Variants in CLIC4 observed in about 807,000 individuals in gnomAD.
CLIC4 encodes the protein chloride intracellular channel protein 4.
A neutral mutation model predicts 24.6 loss-of-function variants in CLIC4; 13 were observed. The ratio of observed to expected loss-of-function variants is 0.53; its 90% confidence interval spans 0.34 to 0.84. The LOEUF (loss-of-function observed/expected upper bound fraction) is 0.84, where lower values mean the gene tolerates loss of function less well. CLIC4 is among the 40% of genes least tolerant of loss of function. The pLI is 0.01. For missense variants in CLIC4, 227 were observed against 301.7 expected (o/e 0.75, Z 1.83); for synonymous variants, 104 against 111.3 (o/e 0.93, Z 0.41).
intron 1 of CLIC4, among the ~76,000 whole-genome samples, chr1:24,750,065 A>G (rs1374982596): frequency 6.6e-6 from 1 of 152,126 alleles, no homozygotes; most frequent in African/African-American, 2.4e-5. Context: ...AGCTTGGGTG[A>G]GACCCTATCT....
intron 1 of CLIC4, among the ~76,000 whole-genome samples, chr1:24,777,408 G>A (rs907286319): frequency 3.3e-5 from 5 of 152,094 alleles, no homozygotes; most frequent in African/African-American, 1.2e-4. Context: ...GTCAGGCGTG[G>A]TGGCATGTGC....
At chr1:24,797,960 A>G (rs1173573718) in intron 2 of CLIC4, 109 bp downstream of exon 2, 2 of 767,958 alleles carry the variant, frequency 2.6e-6, no homozygotes, top group Non-Finnish European at 4.3e-6. Flanking sequence ...TATTGTATTA[A>G]AGTTCTGCTG....
chr1:24,760,522 A>G (rs1447281999), intron 1 of CLIC4, among the ~76,000 whole-genome samples: 1 of 152,110 alleles, frequency 6.6e-6, no homozygotes, highest in African/African-American at 2.4e-5. Context: ...TATTGTATCT[A>G]GATTGGTCTT....
In CLIC4 at chr1:24,841,559, C is replaced by T. The variant is rs1040450684; in HGVS notation, c.*622C>T. On this transcript the variant is annotated 3_prime_UTR_variant, in exon 6 of 6. Coordinates refer to ENST00000374379, the MANE Select transcript of CLIC4 (RefSeq NM_013943.3). The stretch of plus-strand genomic sequence containing the variant: ...TTTGTAGATAGATTTTTACTTTTGC[C>T]TAAAAGCATTTATCCTTCATACCAA... The T allele has an allele frequency of 6.6e-6, 1 of 152,114 alleles. No homozygotes were observed. Among genetic ancestry groups the T allele is most frequent in the African/African-American group, 2.4e-5 (1 of 41,434 alleles). The allele number at this position is 152,114 out of a possible 1,614,324, so 9.4% of individuals were successfully genotyped here.
intron 4 of CLIC4, 91 bp from the exon 5 acceptor site, chr1:24,839,769 A>G: frequency 9.0e-7 from 1 of 1,109,474 alleles, no homozygotes; most frequent in Non-Finnish European, 1.3e-6. Flanking sequence ...ACATTTTTAA[A>G]CAGTTATTGA....
At chr1:24,749,435 TCTAG>T (rs1193126118) in intron 1 of CLIC4, among the ~76,000 whole-genome samples, 1 of 152,136 alleles carries the variant, frequency 6.6e-6, no homozygotes, top group African/African-American at 2.4e-5. Context: ...AGCCTACCTG[TCTAG>T]CTAGCACTGA....
At chr1:24,792,170 G>C in intron 1 of CLIC4, among the ~76,000 whole-genome samples, 1 of 150,946 alleles carries the variant, frequency 6.6e-6, no homozygotes, top group South Asian at 2.1e-4. Flanking sequence ...GTGTATATGT[G>C]TATGTGTGTG....
chr1:24,839,857 A>G lies in CLIC4; in HGVS notation c.416-3A>G. Reference sequence around the variant, plus strand: ...ATTCTCATCTCTTTTTTTCCCCCCCAAGCACTGGAGAGGGGTCTCCTGAAA... The same window carrying G: ...ATTCTCATCTCTTTTTTTCCCCCCCGAGCACTGGAGAGGGGTCTCCTGAAA... On this transcript the variant is annotated splice_polypyrimidine_tract_variant and splice_region_variant and intron_variant, in intron 4 of 5. Transcript: ENST00000374379. The G allele has an allele frequency of 1.2e-6, 2 of 1,605,616 alleles. No individual in the cohort carries two copies. The highest frequency in any genetic ancestry group is 1.7e-6 in the Non-Finnish European group (2 of 1,177,396).
chr1:24,784,687 T>G (rs1639243630), intron 1 of CLIC4, among the ~76,000 whole-genome samples: 1 of 152,202 alleles, frequency 6.6e-6, no homozygotes, highest in Admixed American at 6.5e-5. Flanking sequence ...CCGAAGTCTT[T>G]GCAGTATCCT....
intron 1 of CLIC4, among the ~76,000 whole-genome samples, chr1:24,790,716 G>T (rs948984966): frequency 6.6e-6 from 1 of 152,180 alleles, no homozygotes; most frequent in Admixed American, 6.5e-5. Context: ...AGGGGCAGGG[G>T]CTTGGCAGGG....
intron 3 of CLIC4, among the ~76,000 whole-genome samples, chr1:24,820,067 G>GTGTATGTATATATATA (rs1212033050): frequency 2.7e-5 from 1 of 36,472 alleles, no homozygotes; most frequent in African/African-American, 8.9e-5. Flanking sequence ...AAAAAAGTAT[G>GTGTATGTATATATATA]TATATATATA....
At chr1:24,768,783 C>T (rs1393886813) in intron 1 of CLIC4, among the ~76,000 whole-genome samples, 1 of 151,822 alleles carries the variant, frequency 6.6e-6, no homozygotes, top group Non-Finnish European at 1.5e-5. Flanking sequence ...TGCCTGTAGT[C>T]CCAGCTACTC....
intron 3 of CLIC4, among the ~76,000 whole-genome samples, chr1:24,826,200 C>CA (rs1348366599): frequency 2.0e-5 from 3 of 152,208 alleles, no homozygotes; most frequent in Non-Finnish European, 4.4e-5. Flanking sequence ...TTTGACAACA[C>CA]AATAGAACAC....
intron 4 of CLIC4, among the ~76,000 whole-genome samples, chr1:24,838,424 C>T (rs1323862091): frequency 6.6e-6 from 1 of 152,204 alleles, no homozygotes; most frequent in East Asian, 1.9e-4. Context: ...CTAAGACTAC[C>T]ATCTATTACC....
At chr1:24,784,463 T>G (rs2124116331) in intron 1 of CLIC4, among the ~76,000 whole-genome samples, 1 of 152,334 alleles carries the variant, frequency 6.6e-6, no homozygotes, top group East Asian at 1.9e-4. Context: ...TTAATACATG[T>G]GAAGAGCTTG....
At chr1:24,840,654 C>A (rs750042644) in intron 5 of CLIC4, 119 bp from the exon 6 acceptor site, 4 of 811,868 alleles carry the variant, frequency 4.9e-6, no homozygotes, top group Non-Finnish European at 5.7e-6. Flanking sequence ...GACTTTTTTT[C>A]ATATAGAAGC....
intron 2 of CLIC4, among the ~76,000 whole-genome samples, chr1:24,803,721 AG>A (rs1405960057): frequency 6.6e-6 from 1 of 152,228 alleles, no homozygotes; most frequent in East Asian, 1.9e-4. Context: ...AAATTGGGGC[AG>A]AGTTAAAGAT....
intron 1 of CLIC4, among the ~76,000 whole-genome samples, chr1:24,775,954 C>T (rs1034010253): frequency 2.6e-5 from 4 of 151,582 alleles, no homozygotes; most frequent in East Asian, 1.9e-4. Context: ...TTGTTATGCC[C>T]GTCTTAAAAG....
chr1:24,822,565 G>C (rs1639746264), intron 3 of CLIC4, among the ~76,000 whole-genome samples: 1 of 151,474 alleles, frequency 6.6e-6, no homozygotes, highest in Admixed American at 6.6e-5. Context: ...GCCAGGCTGG[G>C]ACTTCAAGTG....
Sources: allele counts gnomAD v4.1 joint callset (sites outside exome capture counted in the v4.1 genomes callset), GRCh38; gene constraint gnomAD v4.1.1; transcripts MANE v1.5; gene names NCBI Gene and HGNC (gene_info 2026-07-23, HGNC 2026-07-21).